POU6F2: variants seen among roughly 807,000 people sequenced by gnomAD.
POU6F2 encodes the protein POU domain, class 6, transcription factor 2.
In POU6F2, 31 loss-of-function variants were observed where a neutral mutation model predicts 71.3. The observed-to-expected ratio is 0.43, with a 90% CI of 0.33 to 0.59. POU6F2 has a LOEUF of 0.59. POU6F2 is among the 20% of genes least tolerant of loss of function. The probability of loss-of-function intolerance (pLI) is 0.04; values close to 1 mark genes in which losing one functional copy is unlikely to be tolerated. For missense variants in POU6F2, 783 were observed against 856.8 expected, an observed-to-expected ratio of 0.91 and a Z score of 1.07; for synonymous variants, 347 against 355.7, an observed-to-expected ratio of 0.98 and a Z score of 0.27.
At chr7:39,096,777 A>G (rs1424916400) in intron 2 of POU6F2, among the ~76,000 whole-genome samples, 2 of 152,256 alleles carry the variant, frequency 1.3e-5, no homozygotes, top group Non-Finnish European at 2.9e-5. Context: ...ATTTAAAAAT[A>G]GATGGCTGAA....
chr7:39,328,746 G>A (rs1452436409), intron 4 of POU6F2, among the ~76,000 whole-genome samples: 1 of 152,206 alleles, frequency 6.6e-6, no homozygotes, highest in African/African-American at 2.4e-5. Flanking sequence ...TGCAAGATGA[G>A]TATAAATACA....
intron 2 of POU6F2, chr7:39,132,768 G>A (rs945354556): frequency 6.6e-6 from 1 of 152,262 alleles, no homozygotes. Flanking sequence ...GCGAGGAAGG[G>A]GAAGGGGAAA....
chr7:39,331,757 C>T (rs1199699300), intron 4 of POU6F2, among the ~76,000 whole-genome samples: 5 of 152,178 alleles, frequency 3.3e-5, no homozygotes, highest in South Asian at 2.1e-4. Flanking sequence ...GTGACCTGGC[C>T]GCCTCGGCCT....
Position 39,434,677 on chromosome 7 carries a change from C to G in POU6F2, c.1320+1394C>G, listed in dbSNP as rs189735206. Among the ~76,000 whole-genome samples the G allele has an allele frequency of 1.1e-4, 16 of 148,358 alleles. No individual in the cohort carries two copies. The East Asian group carries it at 3.1e-3, about 29-fold the overall frequency. Reference sequence around the variant, plus strand: ...AAAAAAAAAGCAAAAACAAAAAACACAAAAAAAAATGAGATTCATGTGCAG... The same window carrying G: ...AAAAAAAAAGCAAAAACAAAAAACAGAAAAAAAAATGAGATTCATGTGCAG... On this transcript the variant is annotated intron_variant, in intron 7 of 9. Transcript: ENST00000518318.
chr7:39,056,674 GTGTA>G lies in POU6F2; in HGVS notation c.106-29182_106-29179del, dbSNP rs1347776892. Among the ~76,000 whole-genome samples, 685 of 127,920 alleles carry G rather than the reference GTGTA, an allele frequency of 5.4e-3. 2 individuals carry two copies. The highest frequency in any genetic ancestry group is 0.015 in the Middle Eastern group (4 of 262). 83.9% of individuals were successfully genotyped at this position (127,920 alleles called of 152,430 possible). Reference sequence around the variant, plus strand: ...TCTCTCTCTCTCTCTGTGTGTGTGTGTGTATGTGTGTGTGTGTGTGTGTGTGTGT... The same window carrying G: ...TCTCTCTCTCTCTCTGTGTGTGTGTGTGTGTGTGTGTGTGTGTGTGTGTGT... On this transcript the variant is annotated intron_variant, in intron 1 of 9. Transcript: ENST00000518318.
intron 2 of POU6F2, among the ~76,000 whole-genome samples, chr7:39,118,431 A>C (rs1791976408): frequency 6.6e-6 from 1 of 152,184 alleles, no homozygotes; most frequent in Non-Finnish European, 1.5e-5. Flanking sequence ...AAATCCCCTC[A>C]ACAACATAAG....
chr7:39,080,976 GA>G (rs1460461887), intron 1 of POU6F2, among the ~76,000 whole-genome samples: 1 of 152,112 alleles, frequency 6.6e-6, no homozygotes, highest in Non-Finnish European at 1.5e-5. Context: ...CAAAGCCCAA[GA>G]TGAATTCTCC....
At chr7:39,397,079 C>G (rs1215998311) in intron 5 of POU6F2, among the ~76,000 whole-genome samples, 1 of 152,026 alleles carries the variant, frequency 6.6e-6, no homozygotes, top group African/African-American at 2.4e-5. Flanking sequence ...AGGTCTTCAC[C>G]TTTGGCTGCT....
chr7:39,021,184 T>A (rs1476330887), intron 1 of POU6F2, among the ~76,000 whole-genome samples: 1 of 152,000 alleles, frequency 6.6e-6, no homozygotes, highest in Non-Finnish European at 1.5e-5. Context: ...ATGTTTGGTA[T>A]ATGCTTACAA....
rs372227306 is a variant in POU6F2 at position 39,460,723 on chromosome 7, G to A, written c.1658+8G>A. On this transcript the variant is annotated splice_region_variant and intron_variant, in intron 9 of 9. Coordinates refer to ENST00000518318, the MANE Select transcript of POU6F2 (RefSeq NM_001370959.1). This position sits in a 1 kb window ranked among gnomAD's most constrained non-coding sequence, Gnocchi z 4.4. ...CCAGTCGGCCATCTGCAGGTAACGC[G>A]CGCCTGCATGCTGTCACCTCTTCTA... 2.5e-4 allele frequency: 396 copies of A among 1,578,996 alleles called. No homozygotes were observed. Among genetic ancestry groups the A allele is most frequent in the Non-Finnish European group, 3.0e-4 (346 of 1,161,550 alleles).
intron 7 of POU6F2, 21 bp downstream of exon 7, chr7:39,433,304 C>T: frequency 1.1e-5 from 18 of 1,613,426 alleles, no homozygotes; most frequent in African/African-American, 2.7e-5. Flanking sequence ...CAGGCCAAGG[C>T]AGCCATGGCA....
At chr7:39,406,559 C>T in intron 5 of POU6F2, 41 bp from the exon 6 acceptor site, 1 of 1,602,520 alleles carries the variant, frequency 6.2e-7, no homozygotes, top group Non-Finnish European at 8.5e-7. Flanking sequence ...TGTGCCTGTG[C>T]CTCTCGGTGG....
intron 5 of POU6F2, among the ~76,000 whole-genome samples, chr7:39,380,467 G>C (rs1786804639): frequency 6.6e-6 from 1 of 152,126 alleles, no homozygotes; most frequent in African/African-American, 2.4e-5. Context: ...TGTTGATGTA[G>C]GCCACTCTGC....
intron 4 of POU6F2, among the ~76,000 whole-genome samples, chr7:39,239,630 C>T (rs1783677931): frequency 6.6e-6 from 1 of 152,056 alleles, no homozygotes; most frequent in African/African-American, 2.4e-5. Context: ...ATATCTGCCT[C>T]ATGGAGTTTA....
chr7:39,311,465 G>T (rs4723854), intron 4 of POU6F2, among the ~76,000 whole-genome samples: 1 of 151,852 alleles, frequency 6.6e-6, no homozygotes, highest in Non-Finnish European at 1.5e-5. Context: ...GTCTTCCTCC[G>T]CTAGAACGTA....
intron 4 of POU6F2, among the ~76,000 whole-genome samples, chr7:39,249,280 C>T (rs1783873992): frequency 6.6e-6 from 1 of 152,180 alleles, no homozygotes; most frequent in South Asian, 2.1e-4. Flanking sequence ...AACTGTAAGC[C>T]TCCCTAACCC....
intron 4 of POU6F2, among the ~76,000 whole-genome samples, chr7:39,247,097 G>C (rs531819454): frequency 6.6e-6 from 1 of 151,960 alleles, no homozygotes; most frequent in Admixed American, 6.6e-5. Context: ...AGCTCTGTGC[G>C]TGGGTGCTTC....
intron 6 of POU6F2, among the ~76,000 whole-genome samples, chr7:39,422,439 CCT>C (rs1787871842): frequency 6.6e-6 from 1 of 152,082 alleles, no homozygotes; most frequent in Non-Finnish European, 1.5e-5. Context: ...TCTCATGTGC[CCT>C]TGTTATAAAT....
At position 39,386,353 on chromosome 7, in the gene POU6F2, C is replaced by CT. The variant is rs535374867; in HGVS notation, c.973-20246dup. Among the ~76,000 whole-genome samples the CT allele has an allele frequency of 9.2e-5, 14 of 152,320 alleles. No individual in the cohort carries two copies. In the South Asian group the frequency reaches 2.9e-3, roughly 32 times the overall value. On this transcript the variant is annotated intron_variant, in intron 5 of 9. Coordinates refer to ENST00000518318, the MANE Select transcript of POU6F2 (RefSeq NM_001370959.1). ...CTTCTGGGTAAACACACCTGGAACT[C>CT]TATCTAGGTGACAGGGTGGCAGAGC...
Sources: allele counts gnomAD v4.1 joint callset (sites outside exome capture counted in the v4.1 genomes callset), GRCh38; gene constraint gnomAD v4.1.1; non-coding constraint Gnocchi (gnomAD v3.1); transcripts MANE v1.5; gene names NCBI Gene and HGNC (gene_info 2026-07-23, HGNC 2026-07-21).